DNAH11: variants seen among roughly 807,000 people sequenced by gnomAD.
The protein encoded by DNAH11 is dynein axonemal heavy chain 11.
DNAH11 carries 442 observed loss-of-function variants against 526.0 expected under a neutral mutation model. The ratio of observed to expected loss-of-function variants is 0.84; its 90% CI spans 0.78 to 0.91. The LOEUF (loss-of-function observed/expected upper bound fraction) is 0.91. DNAH11 is among the 40% of genes least tolerant of loss of function. The pLI is 0.00. For missense variants in DNAH11, 6,989 were observed against 5,448.7 expected (o/e 1.28, Z -8.90); for synonymous variants, 2,461 against 1,935.9 (o/e 1.27, Z -7.12).
At chr7:21,727,727 A>G (rs2965382) in intron 45 of DNAH11, among the ~76,000 whole-genome samples, 89,977 of 151,708 alleles carry the variant, frequency 0.59, 26,895 homozygotes, top group South Asian at 0.68. Flanking sequence ...TTAGGAGGCA[A>G]TTAGTGCCAA....
rs74439974 is a variant in DNAH11, at chr7:21,820,226, G to A, written c.10691+1887G>A. Among the ~76,000 whole-genome samples the A allele has an allele frequency of 2.4e-3, 361 of 152,206 alleles. 6 individuals are homozygous for A. Among genetic ancestry groups the A allele is most frequent in the East Asian group, 6.0e-3 (31 of 5,174 alleles). On this transcript the variant is annotated intron_variant, in intron 65 of 81. Transcript: ENST00000409508. ...GCTATATGCCAGGTACTATACTGGG[G>A]GCTGCAGATTTAGTGTGATAAGACA... is the stretch of plus-strand genomic sequence containing the variant.
chr7:21,575,189 T>A (rs558981401), intron 8 of DNAH11, among the ~76,000 whole-genome samples: 2 of 152,262 alleles, frequency 1.3e-5, no homozygotes, highest in Admixed American at 1.3e-4. Context: ...TGCATTCTTT[T>A]CACTGCACCA....
Position 21,894,883 on chromosome 7 carries a change from G to A in DNAH11, c.12934-1G>A. 6.2e-7 allele frequency: 1 copy of A among 1,613,896 alleles called. No individual in the cohort carries two copies. Among genetic ancestry groups the A allele is most frequent in the Non-Finnish European group, 8.5e-7 (1 of 1,179,834 alleles). On this transcript the variant is annotated splice_acceptor_variant, in intron 78 of 81. Transcript: ENST00000409508. LOFTEE classifies it high-confidence loss of function. ...TGTGTGGCTTTTTTTCTCCATGCAA[G>A]GGGGAATTGGCATTATCTCCTGCTG...
At chr7:21,729,490 GTTAC>G (rs1403147991) in intron 45 of DNAH11, among the ~76,000 whole-genome samples, 1 of 152,170 alleles carries the variant, frequency 6.6e-6, no homozygotes, top group African/African-American at 2.4e-5. Context: ...CTGCTTAACA[GTTAC>G]TTCTTCAGTA....
At chr7:21,545,551 A>G (rs56153605) in intron 2 of DNAH11, among the ~76,000 whole-genome samples, 17 of 152,340 alleles carry the variant, frequency 1.1e-4, no homozygotes, top group Non-Finnish European at 2.5e-4. Context: ...GAGTATTATC[A>G]GTTCCTTTTT....
chr7:21,569,307 C>T (rs758498165), intron 6 of DNAH11, among the ~76,000 whole-genome samples: 2 of 152,066 alleles, frequency 1.3e-5, no homozygotes, highest in African/African-American at 2.4e-5. Flanking sequence ...GGTTAAGATG[C>T]GTCAGGAAGA....
At chr7:21,747,149 A>G (rs1390493620) in intron 51 of DNAH11, among the ~76,000 whole-genome samples, 1 of 152,234 alleles carries the variant, frequency 6.6e-6, no homozygotes, top group Non-Finnish European at 1.5e-5. Flanking sequence ...ATTAAAATGA[A>G]ATGAAAACCC....
At chr7:21,827,062 C>A (rs1790331414) in intron 65 of DNAH11, among the ~76,000 whole-genome samples, 1 of 152,188 alleles carries the variant, frequency 6.6e-6, no homozygotes, top group Non-Finnish European at 1.5e-5. Context: ...ACCAATACAT[C>A]AGCCCAGACT....
intron 68 of DNAH11, among the ~76,000 whole-genome samples, chr7:21,857,059 A>G (rs990636847): frequency 6.6e-5 from 10 of 152,218 alleles, no homozygotes; most frequent in African/African-American, 2.2e-4. Context: ...CTGATTATGT[A>G]TATAGAAAAT....
chr7:21,811,550 G>C (rs997006633), intron 63 of DNAH11, among the ~76,000 whole-genome samples: 4 of 152,150 alleles, frequency 2.6e-5, no homozygotes, highest in Admixed American at 2.6e-4. Flanking sequence ...TGGAATGGTG[G>C]TTACCAGGGG....
chr7:21,595,681 G>A (rs1784835115), intron 14 of DNAH11, among the ~76,000 whole-genome samples: 1 of 152,152 alleles, frequency 6.6e-6, no homozygotes, highest in African/African-American at 2.4e-5. Flanking sequence ...GCCAAGAGGA[G>A]TTGAGTGGGC....
chr7:21,790,237 G>C (rs1365946675), intron 61 of DNAH11, among the ~76,000 whole-genome samples: 2 of 152,006 alleles, frequency 1.3e-5, no homozygotes, highest in African/African-American at 4.8e-5. Flanking sequence ...ACGACATCAG[G>C]AGATCGAGAC....
At chr7:21,884,556 T>C (rs1434901280) in intron 76 of DNAH11, 146 bp downstream of exon 76, 3 of 896,040 alleles carry the variant, frequency 3.3e-6, no homozygotes, top group Admixed American at 6.0e-5. Context: ...AAAAGCGGAA[T>C]CTCGGGTTCC....
intron 61 of DNAH11, among the ~76,000 whole-genome samples, chr7:21,798,188 T>TA (rs1447657017): frequency 6.6e-6 from 1 of 152,170 alleles, no homozygotes; most frequent in Non-Finnish European, 1.5e-5. Context: ...ACTTGACTCC[T>TA]AGGTTCAAGC....
chr7:21,894,792 A>G lies in DNAH11; in HGVS notation c.12920A>G (p.Asp4307Gly). ...ATACGTATATCACTTGAACAACTGG[A>G]CCTTAGTTTGAAGGTAAGCTTAAAG... ...REIRISLEQL[D>G]LSLKGELALS... is the part of the protein sequence containing the mutation. Residue 4307 changes from aspartate (D) to glycine (G), a missense_variant, in exon 78 of 82, where the codon GAC (aspartate) becomes GGC (glycine). Physicochemically the swap from Asp to Gly is moderately conservative, Grantham distance 94. Coordinates refer to ENST00000409508, the MANE Select transcript of DNAH11 (RefSeq NM_001277115.2). The G allele has an allele frequency of 1.2e-6, 2 of 1,609,340 alleles. No homozygotes were observed. Among genetic ancestry groups the G allele is most frequent in the Admixed American group, 1.7e-5 (1 of 59,572 alleles).
chr7:21,723,983 TTCCTC>T (rs1784979854), intron 44 of DNAH11, among the ~76,000 whole-genome samples: 2 of 152,238 alleles, frequency 1.3e-5, no homozygotes, highest in Admixed American at 1.3e-4. Flanking sequence ...CATCTTCATG[TTCCTC>T]TCCTCTATGT....
Position 21,619,052 on chromosome 7 carries a change from C to T in DNAH11, c.4255-48C>T, listed in dbSNP as rs371793247. The T allele has an allele frequency of 7.5e-5, 120 of 1,608,738 alleles. 1 individual carries two copies. The African/African-American group carries it at 1.1e-3, about 15-fold the overall frequency. ...TCACCAGCCTTTAGGCAAAAGGAAC[C>T]GTTCATATATGTGGAATATAAAGTC... On this transcript the variant is annotated intron_variant, in intron 23 of 81. Coordinates refer to ENST00000409508, the MANE Select transcript of DNAH11 (RefSeq NM_001277115.2).
At chr7:21,554,126 A>G (rs973968673) in intron 2 of DNAH11, among the ~76,000 whole-genome samples, 2 of 124,240 alleles carry the variant, frequency 1.6e-5, no homozygotes, top group Non-Finnish European at 3.5e-5. Flanking sequence ...GATCCTTTTT[A>G]TTATTAGTTC....
chr7:21,796,301 G>A (rs1195746934), intron 61 of DNAH11, among the ~76,000 whole-genome samples: 1 of 152,148 alleles, frequency 6.6e-6, no homozygotes, highest in Non-Finnish European at 1.5e-5. Context: ...CCATATATGA[G>A]AACTGCCACT....
Sources: allele counts gnomAD v4.1 joint callset (sites outside exome capture counted in the v4.1 genomes callset), GRCh38; gene constraint gnomAD v4.1.1; transcripts MANE v1.5; gene names NCBI Gene and HGNC (gene_info 2026-07-23, HGNC 2026-07-21).